The following EIF4G3 variants were observed in gnomAD, a reference collection of about 807,000 sequenced individuals.
EIF4G3 encodes the protein eIF-4-gamma 3.
In EIF4G3, 34 loss-of-function variants were observed where a neutral mutation model predicts 186.4. The observed-to-expected ratio is 0.18, with a 90% CI of 0.14 to 0.24. EIF4G3 has a LOEUF of 0.24. Ranked by LOEUF, EIF4G3 falls within the 10% of genes least tolerant of loss-of-function variation. The pLI is 1.00. For synonymous variants in EIF4G3, 673 were observed against 679.5 expected, an observed-to-expected ratio of 0.99 and a Z score of 0.15; for missense variants, 1,536 against 1,948.5, an observed-to-expected ratio of 0.79 and a Z score of 3.99.
chr1:20,905,521 C>T (rs2091813390), intron 14 of EIF4G3, among the ~76,000 whole-genome samples: 1 of 152,214 alleles, frequency 6.6e-6, no homozygotes, highest in Non-Finnish European at 1.5e-5. Context: ...CTGTTTTCAT[C>T]TCAGATCAGG....
chr1:20,908,332 G>A (rs938294599), intron 14 of EIF4G3, among the ~76,000 whole-genome samples: 1 of 151,902 alleles, frequency 6.6e-6, no homozygotes, highest in African/African-American at 2.4e-5. Flanking sequence ...AAATTTTTAT[G>A]CTATTGGAAC....
rs567344978 is a variant in EIF4G3, at chr1:21,093,147, A to G, written c.-271-3934T>C. Among the ~76,000 whole-genome samples, 19 of 152,344 alleles carry G rather than the reference A, an allele frequency of 1.2e-4. No individual in the cohort carries two copies. The East Asian group carries it at 3.7e-3, about 29-fold the overall frequency. On this transcript the variant is annotated intron_variant, in intron 2 of 36. Transcript: ENST00000602326. ...CTTCTGTACAGCAAAAGAAACTACCATCAGAGTGAACAGGCAACCTACAGA... is the reference window on the plus strand; with the variant it reads ...CTTCTGTACAGCAAAAGAAACTACCGTCAGAGTGAACAGGCAACCTACAGA...
intron 20 of EIF4G3, among the ~76,000 whole-genome samples, chr1:20,866,740 C>T (rs2077641087): frequency 6.6e-6 from 1 of 152,118 alleles, no homozygotes; most frequent in Admixed American, 6.6e-5. Flanking sequence ...GGTTGGCATA[C>T]AAGAGCACCA....
At chr1:21,018,195 A>G (rs1406835853) in intron 4 of EIF4G3, among the ~76,000 whole-genome samples, 1 of 152,106 alleles carries the variant, frequency 6.6e-6, no homozygotes, top group African/African-American at 2.4e-5. Context: ...ATGCCCCTGT[A>G]CTGACATCCC....
At chr1:20,906,373 C>T (rs1257288963) in intron 14 of EIF4G3, among the ~76,000 whole-genome samples, 2 of 152,152 alleles carry the variant, frequency 1.3e-5, no homozygotes, top group Non-Finnish European at 2.9e-5. Context: ...TTCAACTCTG[C>T]TTCCATAGCT....
At chr1:20,818,517 C>T (rs1013921765) in intron 33 of EIF4G3, among the ~76,000 whole-genome samples, 2 of 152,068 alleles carry the variant, frequency 1.3e-5, no homozygotes, top group Non-Finnish European at 2.9e-5. Context: ...TGGCATGCGC[C>T]TGTGGTCCCA....
chr1:20,825,235 AG>A, intron 32 of EIF4G3, 37 bp from the exon 33 acceptor site: 1 of 833,666 alleles, frequency 1.2e-6, no homozygotes, highest in Non-Finnish European at 1.9e-6. Flanking sequence ...TTACTTTCAC[AG>A]TGGAAGAAGA....
intron 2 of EIF4G3, among the ~76,000 whole-genome samples, chr1:21,156,348 A>G (rs530396229): frequency 2.0e-5 from 3 of 152,292 alleles, no homozygotes; most frequent in African/African-American, 4.8e-5. Flanking sequence ...CAGACACTGC[A>G]TAGACTAATA....
rs535483643 is a variant in EIF4G3 at position 20,851,154 on chromosome 1, C to T, written c.3772+104G>A. On this transcript the variant is annotated intron_variant, in intron 28 of 36. Coordinates refer to ENST00000602326, the MANE Select transcript of EIF4G3 (RefSeq NM_001391906.1). ...ACTCTTCAGATGCTGGTATGTGTTG[C>T]TATTATGTGTTAATTCTAAAATCTA... 37 of 988,174 alleles carry T rather than the reference C, an allele frequency of 3.7e-5. No individual in the cohort carries two copies. The South Asian group carries it at 5.6e-4, about 15-fold the overall frequency. 61.2% of individuals were successfully genotyped at this position (988,174 alleles called of 1,614,324 possible).
At chr1:20,918,879 G>T (rs1355791893) in intron 14 of EIF4G3, among the ~76,000 whole-genome samples, 1 of 151,774 alleles carries the variant, frequency 6.6e-6, no homozygotes, top group Non-Finnish European at 1.5e-5. Context: ...TATAGATATT[G>T]TCAGATTTGG....
chr1:20,986,143 A>G (rs2079412186), intron 7 of EIF4G3, among the ~76,000 whole-genome samples: 3 of 152,136 alleles, frequency 2.0e-5, no homozygotes, highest in Admixed American at 2.0e-4. Context: ...CTTTTCTTTC[A>G]ATCTTGTTCC....
At chr1:20,869,180 T>C (rs1484233812) in intron 20 of EIF4G3, among the ~76,000 whole-genome samples, 2 of 152,152 alleles carry the variant, frequency 1.3e-5, no homozygotes, top group African/African-American at 4.8e-5. Flanking sequence ...GGCCCAGCAG[T>C]AGTTTTGCCC....
At position 20,840,930 on chromosome 1, in the gene EIF4G3, G is replaced by A. The variant is rs2068367763; in HGVS notation, c.3987C>T (p.Thr1329=). Residue 1329 remains threonine, a synonymous_variant, in exon 30 of 37, where the codon ACC becomes ACT. Transcript: ENST00000602326. ...VESTLERSQI[T]RDHMGQLLYQ... is the part of the protein sequence containing the mutation. Reference sequence around the variant, plus strand: ...AGAGTAATTGGCCCATGTGATCCCTGGTGATCTGGCTCCTTTCCAGGGTGG... The same window carrying A: ...AGAGTAATTGGCCCATGTGATCCCTAGTGATCTGGCTCCTTTCCAGGGTGG... 3 of 1,614,016 alleles carry A rather than the reference G, an allele frequency of 1.9e-6. No homozygotes were observed. Among genetic ancestry groups the A allele is most frequent in the Non-Finnish European group, 2.5e-6 (3 of 1,179,934 alleles).
intron 2 of EIF4G3, among the ~76,000 whole-genome samples, chr1:21,122,526 T>A (rs2096943994): frequency 6.6e-6 from 1 of 152,234 alleles, no homozygotes; most frequent in Non-Finnish European, 1.5e-5. Flanking sequence ...GTTGCAAATT[T>A]AAACCGGATG....
intron 4 of EIF4G3, among the ~76,000 whole-genome samples, chr1:21,049,958 T>C (rs6658679): frequency 0.44 from 66,424 of 152,042 alleles, 14,864 homozygotes; most frequent in Non-Finnish European, 0.47. Flanking sequence ...AAATCAGCCC[T>C]TAACTTATAA....
At chr1:21,053,593 T>C (rs1475467896) in intron 3 of EIF4G3, among the ~76,000 whole-genome samples, 1 of 73,158 alleles carries the variant, frequency 1.4e-5, no homozygotes, top group Non-Finnish European at 2.8e-5. Context: ...GGAGGGAGGT[T>C]GGGGGGTCAG....
chr1:21,078,062 A>G (rs1339369236), intron 3 of EIF4G3, among the ~76,000 whole-genome samples: 1 of 152,106 alleles, frequency 6.6e-6, no homozygotes, highest in Non-Finnish European at 1.5e-5. Flanking sequence ...TACATATCCA[A>G]AAGAAAGGAA....
chr1:20,830,398 C>G (rs2064810440), intron 30 of EIF4G3, among the ~76,000 whole-genome samples: 2 of 152,208 alleles, frequency 1.3e-5, no homozygotes, highest in Admixed American at 1.3e-4. Context: ...GACCTCACAG[C>G]TTGCAATTAT....
intron 28 of EIF4G3, among the ~76,000 whole-genome samples, chr1:20,850,171 G>A (rs375791081): frequency 8.8e-4 from 134 of 152,240 alleles, no homozygotes; most frequent in African/African-American, 3.0e-3. Flanking sequence ...AGGTCTTTCT[G>A]ACTCAGCAGA....
Sources: allele counts gnomAD v4.1 joint callset (sites outside exome capture counted in the v4.1 genomes callset), GRCh38; gene constraint gnomAD v4.1.1; transcripts MANE v1.5; gene names NCBI Gene and HGNC (gene_info 2026-07-23, HGNC 2026-07-21).